FBN3: variants seen among roughly 807,000 people sequenced by gnomAD.
FBN3 encodes fibrillin-3.
In FBN3, 234 loss-of-function variants were observed where a neutral mutation model predicts 330.1. That is an observed-to-expected ratio of 0.71 (90% confidence interval 0.64 to 0.79). The LOEUF is 0.79. Ranked by LOEUF, FBN3 falls within the 30% of genes least tolerant of loss-of-function variation. The probability of loss-of-function intolerance (pLI) is 0.00; values close to 1 mark genes in which losing one functional copy is unlikely to be tolerated. For synonymous variants in FBN3, 1,458 were observed against 1,517.3 expected (o/e 0.96, Z 0.91); for missense variants, 3,606 against 3,886.9 (o/e 0.93, Z 1.92).
At chr19:8,147,072 C>T (rs375432235) in intron 3 of FBN3, 32 bp downstream of exon 3, 16 of 1,528,840 alleles carry the variant, frequency 1.0e-5, no homozygotes, top group African/African-American at 1.4e-5. Flanking sequence ...CCGGCCTGTG[C>T]CCCCCCACCT....
At chr19:8,104,955 CTTTCT>C (rs947272937) in intron 38 of FBN3, among the ~76,000 whole-genome samples, 20 of 147,362 alleles carry the variant, frequency 1.4e-4, no homozygotes, top group African/African-American at 4.9e-4. Context: ...CTCTCTCTTT[CTTTCT>C]TTTATTTTTT....
chr19:8,129,459 A>G lies in FBN3; in HGVS notation c.2045-94T>C, dbSNP rs971102859. The G allele has an allele frequency of 2.0e-6, 3 of 1,519,466 alleles. No individual in the cohort carries two copies. The African/African-American group carries it at 4.1e-5, about 21-fold the overall frequency. 94.1% of individuals were successfully genotyped at this position (1,519,466 alleles called of 1,614,324 possible). On this transcript the variant is annotated intron_variant, in intron 16 of 63. Transcript: ENST00000600128. The surrounding 1 kb of genome is among the most constrained non-coding windows in gnomAD (Gnocchi z 4.5). ...TCGCGGCGCACCAGGGGTCTCTAGA[A>G]GTCAGATTCCCCAAGGCCATAGCTC... is the stretch of plus-strand genomic sequence containing the variant.
Position 8,095,442 on chromosome 19 carries a change from T to A in FBN3, c.5718A>T (p.Thr1906=), listed in dbSNP as rs1472169807. 6.2e-7 allele frequency: 1 copy of A among 1,613,668 alleles called. No individual in the cohort carries two copies. The highest frequency in any genetic ancestry group is 8.5e-7 in the Non-Finnish European group (1 of 1,179,730). Residue 1906 remains threonine, a synonymous_variant, in exon 46 of 64, where the codon ACA becomes ACT. Transcript: ENST00000600128. ...QVCRFGHCLN[T]AGSFHCLCQD... Reference sequence around the variant, plus strand: ...GGCAGAGGCAGTGGAAGGAACCAGCTGTGTTGAGGCAATGGCCAAATCGGC... The same window carrying A: ...GGCAGAGGCAGTGGAAGGAACCAGCAGTGTTGAGGCAATGGCCAAATCGGC...
intron 59 of FBN3, among the ~76,000 whole-genome samples, chr19:8,080,416 C>T (rs1599279171): frequency 6.6e-6 from 1 of 152,244 alleles, no homozygotes; most frequent in African/African-American, 2.4e-5. Context: ...ATTTCAGGAG[C>T]GCTCTGGGGA....
chr19:8,082,044 C>A (rs1599284544), intron 57 of FBN3, among the ~76,000 whole-genome samples: 1 of 151,930 alleles, frequency 6.6e-6, no homozygotes, highest in African/African-American at 2.4e-5. Context: ...GCTCACTGCA[C>A]CCTCCGCCTC....
At chr19:8,110,751 G>A (rs939917383) in intron 34 of FBN3, 94 bp downstream of exon 34, 42 of 1,529,610 alleles carry the variant, frequency 2.7e-5, no homozygotes, top group Non-Finnish European at 3.8e-5. Context: ...GAGGATGCTT[G>A]AAAAGAGATC....
chr19:8,127,956 G>A (rs941184276), intron 18 of FBN3, among the ~76,000 whole-genome samples: 2 of 152,100 alleles, frequency 1.3e-5, no homozygotes, highest in Admixed American at 6.6e-5. Context: ...AGCCGAGATC[G>A]CCCCATTGCA....
intron 13 of FBN3, 25 bp downstream of exon 13, chr19:8,135,936 G>GGGGGGGGGGGGGGGGGGCCCCCC: frequency 4.0e-5 from 27 of 668,708 alleles, no homozygotes; most frequent in Non-Finnish European, 4.8e-5. Context: ...GGAAGCCCCT[G>GGGGGGGGGGGGGGGGGGCCCCCC]CCCACCCGCC....
intron 29 of FBN3, 83 bp downstream of exon 29, chr19:8,116,591 T>C (rs2082709569): frequency 6.9e-7 from 1 of 1,445,586 alleles, no homozygotes; most frequent in East Asian, 2.3e-5. Context: ...TTCATGCCTA[T>C]GTGCCACCTT....
intron 23 of FBN3, 28 bp from the exon 24 acceptor site, chr19:8,123,617 T>C: frequency 6.2e-7 from 1 of 1,612,210 alleles, no homozygotes; most frequent in Non-Finnish European, 8.5e-7. Context: ...CAAACCACCC[T>C]GACGTCCCCA....
chr19:8,117,024 G>A (rs2082720734), intron 28 of FBN3, 145 bp downstream of exon 28: 6 of 1,343,146 alleles, frequency 4.5e-6, no homozygotes, highest in Non-Finnish European at 6.0e-6. Context: ...CCTGCCTGGG[G>A]CCAGGACCAC....
At chr19:8,130,824 C>T (rs1243490492) in intron 16 of FBN3, among the ~76,000 whole-genome samples, 1 of 151,044 alleles carries the variant, frequency 6.6e-6, no homozygotes, top group African/African-American at 2.4e-5. Flanking sequence ...CCACATCACT[C>T]GAGCCTGGGC....
rs1335200166 is a variant in FBN3 at position 8,131,404 on chromosome 19, A to T, written c.1991-116T>A. ...GGCAAGAGTTTGGGACTAAGACACA[A>T]CTCCAACCCCGGGGAGGGAGCAACT... On this transcript the variant is annotated intron_variant, in intron 15 of 63. Coordinates refer to ENST00000600128, the MANE Select transcript of FBN3 (RefSeq NM_032447.5). This position sits in a 1 kb window ranked among gnomAD's most constrained non-coding sequence, Gnocchi z 4.5. 70 of 1,461,914 alleles carry T rather than the reference A, an allele frequency of 4.8e-5. No individual in the cohort carries two copies. Among genetic ancestry groups the T allele is most frequent in the Middle Eastern group, 1.8e-4 (1 of 5,648 alleles). The allele number at this position is 1,461,914 out of a possible 1,614,324, so 90.6% of individuals were successfully genotyped here.
chr19:8,140,201 T>C lies in FBN3; in HGVS notation c.865+1516A>G, dbSNP rs1331790922. On this transcript the variant is annotated intron_variant, in intron 8 of 63. Transcript: ENST00000600128. ...AAAAATGCTCAGCCACAGTGGCTCA[T>C]GCCTGTAATCCCAGCACTTTGGGAG... is the stretch of plus-strand genomic sequence containing the variant. Among the ~76,000 whole-genome samples the C allele has an allele frequency of 2.6e-5, 4 of 152,182 alleles. No individual in the cohort carries two copies. In the East Asian group the frequency reaches 5.8e-4, roughly 22 times the overall value.
intron 21 of FBN3, 92 bp from the exon 22 acceptor site, chr19:8,126,109 G>T: frequency 6.4e-7 from 1 of 1,568,200 alleles, no homozygotes; most frequent in Non-Finnish European, 8.7e-7. Context: ...CCTTGAGGAG[G>T]AAGGAAGGGG....
In FBN3 at chr19:8,089,680, G is replaced by A; in HGVS notation, c.6251-10C>T. 6.2e-7 allele frequency: 1 copy of A among 1,613,576 alleles called. No individual in the cohort carries two copies. Among genetic ancestry groups the A allele is most frequent in the South Asian group, 1.1e-5 (1 of 91,000 alleles). On this transcript the variant is annotated splice_polypyrimidine_tract_variant and intron_variant, in intron 50 of 63. Coordinates refer to ENST00000600128, the MANE Select transcript of FBN3 (RefSeq NM_032447.5). ...GCACACTCATTCACGTCTGCGGATG[G>A]CAGGCGTTGCAGACATGGCTTCTGT...
intron 47 of FBN3, among the ~76,000 whole-genome samples, chr19:8,093,338 A>C (rs1480427472): frequency 6.6e-6 from 1 of 151,944 alleles, no homozygotes; most frequent in Non-Finnish European, 1.5e-5. Context: ...AAATACAAAA[A>C]TTGGGCCTGG....
At chr19:8,091,422 G>A (rs759543670) in intron 48 of FBN3, 43 bp downstream of exon 48, 42 of 1,362,916 alleles carry the variant, frequency 3.1e-5, no homozygotes, top group Middle Eastern at 3.7e-4. Context: ...ACCCTTCCCC[G>A]CCCCACTTCC....
At chr19:8,111,933 T>C (rs548812536) in intron 31 of FBN3, 44 bp downstream of exon 31, 1 of 358,628 alleles carries the variant, frequency 2.8e-6, no homozygotes, top group Non-Finnish European at 4.4e-6. Context: ...GCCCCCCACC[T>C]ACCTCTACTG....
Sources: gnomAD v4.1 joint callset for allele counts (sites outside exome capture counted in the v4.1 genomes callset) on GRCh38, gnomAD v4.1.1 for gene constraint, Gnocchi (gnomAD v3.1) non-coding constraint, MANE v1.5 for transcripts, NCBI Gene and HGNC (gene_info 2026-07-23, HGNC 2026-07-21) for gene names.